Variants in CDYL observed in about 807,000 individuals in gnomAD.
CDYL encodes chromodomain Y-like protein.
In CDYL, 8 loss-of-function variants were observed where a neutral mutation model predicts 47.3. That is an observed-to-expected ratio of 0.17 (90% CI 0.10 to 0.31). The LOEUF (loss-of-function observed/expected upper bound fraction) is 0.31, where lower values mean the gene tolerates loss of function less well. Ranked by LOEUF, CDYL falls within the 10% of genes least tolerant of loss-of-function variation. CDYL has a pLI of 1.00. For missense variants in CDYL, 471 were observed against 701.4 expected, an observed-to-expected ratio of 0.67 and a Z score of 3.71; for synonymous variants, 266 against 265.0, an observed-to-expected ratio of 1.00 and a Z score of -0.04.
Position 4,851,329 on chromosome 6 carries a change from T to TTTA in CDYL, c.25-40373_25-40371dup, listed in dbSNP as rs200183561. Reference sequence around the variant, plus strand: ...CCTGGCATGTAGATATACTAGGTACTTTATTATTATTATCTATCATACAAA... The same window carrying TTTA: ...CCTGGCATGTAGATATACTAGGTACTTTATTATTATTATTATCTATCATACAAA... On this transcript the variant is annotated intron_variant, in intron 1 of 6. Transcript: ENST00000397588. Among the ~76,000 whole-genome samples, 1,087 of 152,302 alleles carry TTTA rather than the reference T, an allele frequency of 7.1e-3. 11 individuals carry two copies. Among genetic ancestry groups the TTTA allele is most frequent in the African/African-American group, 0.025 (1,053 of 41,552 alleles).
chr6:4,952,217 G>T (rs749204916), intron 5 of CDYL, 49 bp from the exon 6 acceptor site: 3 of 1,587,540 alleles, frequency 1.9e-6, no homozygotes, highest in African/African-American at 2.7e-5. Flanking sequence ...GGTCTTCCCC[G>T]CCCGCCTCCC....
intron 2 of CDYL, among the ~76,000 whole-genome samples, chr6:4,920,182 G>A (rs1423242836): frequency 6.6e-6 from 1 of 152,206 alleles, no homozygotes; most frequent in Non-Finnish European, 1.5e-5. Context: ...GGCTTGGGGC[G>A]TGGGAGTGGA....
chr6:4,878,528 G>A (rs1227645476), intron 1 of CDYL, among the ~76,000 whole-genome samples: 1 of 151,842 alleles, frequency 6.6e-6, no homozygotes, highest in Admixed American at 6.6e-5. Flanking sequence ...TTGGCAAGTT[G>A]TATTTATCAA....
chr6:4,911,618 A>T (rs750695942), intron 2 of CDYL, among the ~76,000 whole-genome samples: 3 of 152,178 alleles, frequency 2.0e-5, no homozygotes, highest in Non-Finnish European at 4.4e-5. Flanking sequence ...TAAAAGCCTC[A>T]GAGTTCATGT....
At chr6:4,880,917 A>G (rs1250242070) in intron 1 of CDYL, among the ~76,000 whole-genome samples, 1 of 152,246 alleles carries the variant, frequency 6.6e-6, no homozygotes, top group Non-Finnish European at 1.5e-5. Context: ...CGTTTGTCAG[A>G]TAAGTCCTTT....
intron 2 of CDYL, among the ~76,000 whole-genome samples, chr6:4,934,885 G>C (rs1004248905): frequency 3.3e-5 from 5 of 152,168 alleles, no homozygotes; most frequent in Admixed American, 1.3e-4. Flanking sequence ...GGAGAGGAGA[G>C]CTATCTTCAG....
At chr6:4,771,036 G>C (rs2127425544) in intron 3 of CDYL, among the ~76,000 whole-genome samples, 1 of 152,188 alleles carries the variant, frequency 6.6e-6, no homozygotes, top group African/African-American at 2.4e-5. Flanking sequence ...ACTACACAAT[G>C]GTCATTCCTA....
At chr6:4,948,396 T>G (rs1758594194) in intron 5 of CDYL, among the ~76,000 whole-genome samples, 1 of 152,202 alleles carries the variant, frequency 6.6e-6, no homozygotes, top group Admixed American at 6.5e-5. Context: ...CTTGAAGTCA[T>G]CACAGGACGA....
intron 5 of CDYL, among the ~76,000 whole-genome samples, chr6:4,946,735 C>T (rs1218561628): frequency 6.6e-6 from 1 of 152,044 alleles, no homozygotes; most frequent in African/African-American, 2.4e-5. Context: ...ATGTGGGGTC[C>T]CGTGGTCGGG....
chr6:4,826,724 T>G (rs1297050370), intron 1 of CDYL, among the ~76,000 whole-genome samples: 1 of 152,228 alleles, frequency 6.6e-6, no homozygotes, highest in Non-Finnish European at 1.5e-5. Flanking sequence ...AGATTTCAAT[T>G]TCTTAAAATG....
At chr6:4,889,861 C>A in intron 1 of CDYL, 1 of 557,944 alleles carries the variant, frequency 1.8e-6, no homozygotes, top group Non-Finnish European at 2.3e-6. Context: ...ACACACCTAC[C>A]GTTAGCTGCG....
At chr6:4,713,346 C>T (rs1757186865) in intron 1 of CDYL, among the ~76,000 whole-genome samples, 1 of 151,990 alleles carries the variant, frequency 6.6e-6, no homozygotes, top group Admixed American at 6.6e-5. Context: ...GAGCCATAAG[C>T]TAGAAAGGTC....
chr6:4,754,473 A>C (rs1015272773), intron 3 of CDYL, among the ~76,000 whole-genome samples: 1 of 152,212 alleles, frequency 6.6e-6, no homozygotes, highest in Non-Finnish European at 1.5e-5. Context: ...GCAAAACAAT[A>C]ATATCTCAGT....
chr6:4,725,244 A>G (rs775405064), intron 2 of CDYL, among the ~76,000 whole-genome samples: 1 of 152,222 alleles, frequency 6.6e-6, no homozygotes, highest in African/African-American at 2.4e-5. Flanking sequence ...CCCCACCAGA[A>G]TCAGGAGCCC....
At chr6:4,894,548 G>A (rs1005265130) in intron 2 of CDYL, among the ~76,000 whole-genome samples, 29 of 152,156 alleles carry the variant, frequency 1.9e-4, no homozygotes, top group Non-Finnish European at 3.2e-4. Context: ...TTGGAACACA[G>A]CTAACCATCC....
At chr6:4,947,855 G>A (rs149273480) in intron 5 of CDYL, among the ~76,000 whole-genome samples, 14 of 152,308 alleles carry the variant, frequency 9.2e-5, no homozygotes, top group South Asian at 2.1e-4. Flanking sequence ...GCAGTTGGCC[G>A]TGGGGTTGGC....
intron 1 of CDYL, among the ~76,000 whole-genome samples, chr6:4,841,545 A>G (rs1760489686): frequency 6.6e-6 from 1 of 151,998 alleles, no homozygotes; most frequent in Admixed American, 6.6e-5. Context: ...TGAACTTTCC[A>G]CTTAGCATTG....
chr6:4,815,304 C>CTA (rs1453751544), intron 1 of CDYL, among the ~76,000 whole-genome samples: 1 of 152,128 alleles, frequency 6.6e-6, no homozygotes, highest in Non-Finnish European at 1.5e-5. Flanking sequence ...ATAAATATAG[C>CTA]TATAAGCCTT....
chr6:4,865,159 G>C (rs1220183493), intron 1 of CDYL, among the ~76,000 whole-genome samples: 1 of 152,104 alleles, frequency 6.6e-6, no homozygotes, highest in Non-Finnish European at 1.5e-5. Context: ...CTGGTCACCT[G>C]CTCTGCCCTG....
Sources: allele counts gnomAD v4.1 joint callset (sites outside exome capture counted in the v4.1 genomes callset), GRCh38; gene constraint gnomAD v4.1.1; transcripts MANE v1.5; gene names NCBI Gene and HGNC (gene_info 2026-07-23, HGNC 2026-07-21).